CSMD1: variants seen among roughly 807,000 people sequenced by gnomAD.
CSMD1 encodes CUB and sushi domain-containing protein 1.
A neutral mutation model predicts 417.5 loss-of-function variants in CSMD1; 213 were observed. That is an observed-to-expected ratio of 0.51 (90% CI 0.46 to 0.57). The LOEUF is 0.57. Ranked by LOEUF, CSMD1 falls within the 20% of genes least tolerant of loss-of-function variation. The pLI is 0.00. For missense variants in CSMD1, 6,923 were observed against 4,529.7 expected (o/e 1.53, Z -15.17); for synonymous variants, 2,862 against 1,736.8 (o/e 1.65, Z -16.11).
intron 5 of CSMD1, among the ~76,000 whole-genome samples, chr8:3,830,604 T>A (rs1802321687): frequency 6.6e-6 from 1 of 152,208 alleles, no homozygotes; most frequent in African/African-American, 2.4e-5. Context: ...CAAGCAACAC[T>A]GGCAGAAAAA....
chr8:4,012,937 G>A (rs1408321899), intron 4 of CSMD1, among the ~76,000 whole-genome samples: 1 of 152,050 alleles, frequency 6.6e-6, no homozygotes, highest in Non-Finnish European at 1.5e-5. Context: ...AGCATTCTGA[G>A]TCCAAATGTG....
chr8:4,112,753 C>G (rs189910968), intron 3 of CSMD1, among the ~76,000 whole-genome samples: 38 of 152,276 alleles, frequency 2.5e-4, no homozygotes, highest in African/African-American at 8.7e-4. Flanking sequence ...ACAATATATC[C>G]TTAAATGCTC....
chr8:4,882,509 C>A (rs1025040629), intron 1 of CSMD1, among the ~76,000 whole-genome samples: 1 of 151,738 alleles, frequency 6.6e-6, no homozygotes, highest in African/African-American at 2.4e-5. Context: ...CAAAGGAAGG[C>A]TTCCTCTCCC....
intron 3 of CSMD1, among the ~76,000 whole-genome samples, chr8:4,363,725 C>G (rs376651239): frequency 5.2e-4 from 79 of 152,220 alleles, no homozygotes; most frequent in African/African-American, 1.8e-3. Context: ...CTAGTTCCAC[C>G]CATGTTGTTG....
intron 7 of CSMD1, among the ~76,000 whole-genome samples, chr8:3,642,850 T>C (rs1797373586): frequency 1.3e-5 from 2 of 151,990 alleles, no homozygotes; most frequent in Admixed American, 1.3e-4. Context: ...TGTATGTGTA[T>C]ATCTATATAT....
intron 8 of CSMD1, among the ~76,000 whole-genome samples, chr8:3,612,204 G>A (rs1013014838): frequency 5.3e-5 from 8 of 151,946 alleles, no homozygotes; most frequent in Admixed American, 4.6e-4. Flanking sequence ...TGTTACTCAG[G>A]GTAAAGAAAG....
chr8:3,893,581 T>G (rs1418022634), intron 5 of CSMD1, among the ~76,000 whole-genome samples: 1 of 151,854 alleles, frequency 6.6e-6, no homozygotes, highest in African/African-American at 2.4e-5. Flanking sequence ...TCTGCACCTG[T>G]CTAGCTCCAG....
At chr8:4,450,475 A>T (rs2129812169) in intron 2 of CSMD1, among the ~76,000 whole-genome samples, 1 of 152,196 alleles carries the variant, frequency 6.6e-6, no homozygotes, top group East Asian at 1.9e-4. Flanking sequence ...AAAATACAAA[A>T]TTGACAAAAA....
At chr8:3,995,229 C>T (rs1488511884) in intron 5 of CSMD1, among the ~76,000 whole-genome samples, 1 of 152,164 alleles carries the variant, frequency 6.6e-6, no homozygotes, top group Non-Finnish European at 1.5e-5. Flanking sequence ...CTGTAGGTTT[C>T]CATAGTTATT....
At chr8:3,822,103 G>A (rs560855910) in intron 5 of CSMD1, among the ~76,000 whole-genome samples, 4 of 151,682 alleles carry the variant, frequency 2.6e-5, no homozygotes, top group Admixed American at 6.5e-5. Flanking sequence ...TTTTGTCTCC[G>A]ATTTTTCTGG....
chr8:3,467,787 G>C (rs1291382128), intron 12 of CSMD1, among the ~76,000 whole-genome samples: 2 of 152,130 alleles, frequency 1.3e-5, no homozygotes, highest in Non-Finnish European at 2.9e-5. Flanking sequence ...TTTAGGATTG[G>C]TGGATGCTTT....
rs528105699 is a variant in CSMD1 at position 4,961,366 on chromosome 8, C to A, written c.85+32966G>T. On this transcript the variant is annotated intron_variant, in intron 1 of 69. Coordinates refer to ENST00000635120, the MANE Select transcript of CSMD1 (RefSeq NM_033225.6). ...ACATTCTTTCAACCTGACCTGATTG[C>A]CCCTGAGGCATTCAGTAGAATGTTT... is the stretch of plus-strand genomic sequence containing the variant. Among the ~76,000 whole-genome samples the A allele has an allele frequency of 3.3e-5, 5 of 152,220 alleles. No homozygotes were observed. In the East Asian group the frequency reaches 9.7e-4, roughly 29 times the overall value.
intron 2 of CSMD1, among the ~76,000 whole-genome samples, chr8:4,443,288 G>C (rs533960455): frequency 2.6e-5 from 4 of 152,098 alleles, no homozygotes; most frequent in African/African-American, 4.8e-5. Flanking sequence ...CCTAAGTTTT[G>C]TATTCGCTAG....
intron 3 of CSMD1, among the ~76,000 whole-genome samples, chr8:4,386,076 G>A (rs1210141267): frequency 6.6e-6 from 1 of 151,946 alleles, no homozygotes; most frequent in Admixed American, 6.6e-5. Context: ...ACCTTCTTGT[G>A]TTTGCTCTTC....
intron 5 of CSMD1, among the ~76,000 whole-genome samples, chr8:3,837,372 T>C (rs1802779843): frequency 1.3e-5 from 2 of 152,128 alleles, no homozygotes; most frequent in Non-Finnish European, 2.9e-5. Context: ...AGCCACTAAA[T>C]GGTCTGCAGA....
intron 5 of CSMD1, among the ~76,000 whole-genome samples, chr8:3,934,967 C>T (rs1810383536): frequency 6.6e-6 from 1 of 152,038 alleles, no homozygotes. Flanking sequence ...AAAAACTAAC[C>T]AGGCACCCAG....
chr8:3,599,373 G>T (rs1245815761), intron 8 of CSMD1, among the ~76,000 whole-genome samples: 1 of 152,024 alleles, frequency 6.6e-6, no homozygotes, highest in African/African-American at 2.4e-5. Flanking sequence ...CCCCAACTCA[G>T]CATCATTAAC....
chr8:4,014,838 G>T (rs1038323924), intron 4 of CSMD1, among the ~76,000 whole-genome samples: 1 of 152,026 alleles, frequency 6.6e-6, no homozygotes, highest in Non-Finnish European at 1.5e-5. Flanking sequence ...GTATCTGCAT[G>T]GAATAAAATA....
chr8:3,065,593 G>A (rs1032898237), intron 49 of CSMD1, among the ~76,000 whole-genome samples: 4 of 148,590 alleles, frequency 2.7e-5, no homozygotes, highest in East Asian at 1.9e-4. Context: ...TACACAGATC[G>A]ATAGGAAGAT....
Sources: gnomAD v4.1 joint callset for allele counts (sites outside exome capture counted in the v4.1 genomes callset) on GRCh38, gnomAD v4.1.1 for gene constraint, MANE v1.5 for transcripts, NCBI Gene and HGNC (gene_info 2026-07-23, HGNC 2026-07-21) for gene names.